MGAM: variants seen among roughly 807,000 people sequenced by gnomAD.
MGAM encodes the protein maltase-glucoamylase, also known as alpha-1,4-glucosidase.
In MGAM, 253 loss-of-function variants were observed where a neutral mutation model predicts 358.8. That is an observed-to-expected ratio of 0.71 (90% CI 0.64 to 0.78). The LOEUF is 0.78. Among genes scored for constraint, MGAM ranks in the 30% least tolerant of loss-of-function variants. The pLI is 0.00. For missense variants in MGAM, 3,080 were observed against 3,432.6 expected (o/e 0.90, Z 2.57); for synonymous variants, 1,105 against 1,227.1 (o/e 0.90, Z 2.08).
rs560245267 is a variant in MGAM, at chr7:142,069,524, C to T, written c.5061+821C>T. On this transcript the variant is annotated intron_variant, in intron 43 of 70. Transcript: ENST00000475668. ...GGGCTGGAAATACAACAAAGGGGTA[C>T]AAGCAGGGATACAGGAAGCAGAGCA... Among the ~76,000 whole-genome samples the T allele has an allele frequency of 9.6e-5, 14 of 145,730 alleles. 1 individual carries two copies. Among genetic ancestry groups the T allele is most frequent in the African/African-American group, 2.9e-4 (12 of 41,126 alleles).
In MGAM at chr7:142,104,964, A is replaced by G. The variant is rs533544026; in HGVS notation, c.8185-850A>G. ...TTTCTTTCAGTTTTGCATTCTTTAC[A>G]GTTATTTCCTCATACTTGTGGTTTT... On this transcript the variant is annotated intron_variant, in intron 70 of 70. Transcript: ENST00000475668. Among the ~76,000 whole-genome samples the G allele has an allele frequency of 5.3e-5, 8 of 152,226 alleles. No individual in the cohort carries two copies. In the South Asian group the frequency reaches 1.7e-3, roughly 32 times the overall value.
intron 22 of MGAM, among the ~76,000 whole-genome samples, chr7:142,048,415 T>C (rs1810608513): frequency 6.6e-6 from 1 of 151,610 alleles, no homozygotes; most frequent in African/African-American, 2.4e-5. Flanking sequence ...CCCAAAGTGC[T>C]GGGATTACAG....
intron 1 of MGAM, among the ~76,000 whole-genome samples, chr7:142,002,102 G>A (rs1324617350): frequency 6.6e-6 from 1 of 152,028 alleles, no homozygotes; most frequent in Non-Finnish European, 1.5e-5. Flanking sequence ...GAAGAACTTG[G>A]GGATAGAATA....
chr7:142,052,011 G>A (rs780991927), intron 24 of MGAM, among the ~76,000 whole-genome samples: 13 of 152,058 alleles, frequency 8.5e-5, no homozygotes, highest in African/African-American at 1.2e-4. Context: ...AGAGGAGTCA[G>A]GGTAGAAAAG....
intron 36 of MGAM, among the ~76,000 whole-genome samples, chr7:142,064,123 T>A (rs1471115517): frequency 6.6e-6 from 1 of 152,202 alleles, no homozygotes; most frequent in Non-Finnish European, 1.5e-5. Flanking sequence ...AAAGCCTAAA[T>A]CAGAGCCCGT....
intron 28 of MGAM, 117 bp from the exon 29 acceptor site, chr7:142,055,883 A>G (rs536914306): frequency 6.9e-7 from 1 of 1,449,296 alleles, no homozygotes; most frequent in South Asian, 1.2e-5. Context: ...TGTTTAGTTT[A>G]TGTGTCTAGT....
chr7:142,050,844 A>T lies in MGAM; in HGVS notation c.2785A>T (p.Thr929Ser). 6.2e-7 allele frequency: 1 copy of T among 1,613,706 alleles called. No homozygotes were observed. The highest frequency in any genetic ancestry group is 8.5e-7 in the Non-Finnish European group (1 of 1,179,666). Reference sequence around the variant, plus strand: ...CCCAAGTCAGACTTCTCCTACAGTCACTTATGATTCTAACCTGAAGGTAAA... The same window carrying T: ...CCCAAGTCAGACTTCTCCTACAGTCTCTTATGATTCTAACCTGAAGGTAAA... ...GVPSQTSPTV[T>S]YDSNLKVAII... Residue 929 changes from threonine (T) to serine (S), a missense_variant, in exon 24 of 71, where the codon ACT (threonine) becomes TCT (serine). Thr to Ser is a moderately conservative substitution (Grantham distance 58). Transcript: ENST00000475668.
chr7:142,085,984 G>A (rs200152196), intron 55 of MGAM, 23 bp downstream of exon 55: 13 of 1,556,670 alleles, frequency 8.4e-6, no homozygotes, highest in Admixed American at 1.7e-5. Context: ...GTGAATGTGT[G>A]CGGTCTGTTT....
intron 4 of MGAM, 89 bp downstream of exon 4, chr7:142,019,408 C>A: frequency 7.1e-7 from 1 of 1,401,104 alleles, no homozygotes; most frequent in Non-Finnish European, 9.7e-7. Flanking sequence ...GAGTTCTGCT[C>A]TGTGGGGCCA....
In MGAM at chr7:142,048,508, G is replaced by A. The variant is rs550512862; in HGVS notation, c.2587+635G>A. Among the ~76,000 whole-genome samples, 15 of 152,216 alleles carry A rather than the reference G, an allele frequency of 9.9e-5. 2 individuals carry two copies. The highest frequency in any genetic ancestry group is 3.4e-3 in the Middle Eastern group (1 of 294). ...AAGAGATGGTTTCAAGACTGTTCCC[G>A]TAACCCAATGTTAATGTCTTCCTCC... On this transcript the variant is annotated intron_variant, in intron 22 of 70. Coordinates refer to ENST00000475668, the MANE Select transcript of MGAM (RefSeq NM_001365693.1).
chr7:142,099,227 G>T (rs966689850), intron 66 of MGAM, among the ~76,000 whole-genome samples: 2 of 152,182 alleles, frequency 1.3e-5, no homozygotes, highest in African/African-American at 4.8e-5. Context: ...GCACAGGATA[G>T]CCCCATCGCC....
At position 142,063,527 on chromosome 7, in the gene MGAM, A is replaced by G. The variant is rs769438206; in HGVS notation, c.4286A>G (p.Asn1429Ser). 2 of 1,613,836 alleles carry G rather than the reference A, an allele frequency of 1.2e-6. No individual in the cohort carries two copies. Among genetic ancestry groups the G allele is most frequent in the African/African-American group, 1.3e-5 (1 of 75,060 alleles). Residue 1429 changes from asparagine to serine, a missense_variant, in exon 36 of 71, where the codon AAT becomes AGT. This residue lies in a region of MGAM where 1,816 missense variants were observed against 1,840.5 expected (regional missense o/e 0.99). Transcript: ENST00000475668. ...ATGAATGAACCATCAAGCTTCGTGA[A>G]TGGGGCAGTTTCTCCAGGCTGCAGG... ...IDMNEPSSFV[N>S]GAVSPGCRDA... is the part of the protein sequence containing the mutation.
At chr7:141,987,950 C>T (rs561544471) in intron 2 of MGAM, among the ~76,000 whole-genome samples, 10 of 152,196 alleles carry the variant, frequency 6.6e-5, no homozygotes, top group African/African-American at 2.4e-4. Flanking sequence ...AAAATACCTG[C>T]CTTATCTTAA....
intron 20 of MGAM, 86 bp from the exon 21 acceptor site, chr7:142,040,636 G>C (rs1808428643): frequency 1.3e-6 from 2 of 1,503,238 alleles, no homozygotes; most frequent in Non-Finnish European, 1.8e-6. Flanking sequence ...AAAAGGGAGA[G>C]AGCTGTGTAT....
At chr7:142,098,540 G>A (rs1443390070) in intron 66 of MGAM, among the ~76,000 whole-genome samples, 2 of 152,110 alleles carry the variant, frequency 1.3e-5, no homozygotes, top group African/African-American at 4.8e-5. Context: ...AACTGGAGAA[G>A]GATGTGCATT....
chr7:141,992,796 T>A (rs1307645276), upstream of MGAM, among the ~76,000 whole-genome samples: 2 of 152,144 alleles, frequency 1.3e-5, no homozygotes, highest in Non-Finnish European at 2.9e-5. Context: ...TTGCCCAGGC[T>A]GGCCTTGAAC....
At chr7:142,023,945 C>T (rs1806708670) in intron 7 of MGAM, among the ~76,000 whole-genome samples, 1 of 152,070 alleles carries the variant, frequency 6.6e-6, no homozygotes, top group Admixed American at 6.6e-5. Flanking sequence ...TTAAAATCTG[C>T]ATTTAGGGCT....
rs1273026925 is a variant in MGAM at position 142,038,629 on chromosome 7, C to T, written c.2316+14C>T. ...GTTCTGGATGAAGTAAGTGTTCCCA[C>T]AGAGATACACTAGAGATCTCTGCAT... On this transcript the variant is annotated intron_variant, in intron 19 of 70. Transcript: ENST00000475668. 1 of 1,584,296 alleles carries T rather than the reference C, an allele frequency of 6.3e-7. No homozygotes were observed. Among genetic ancestry groups the T allele is most frequent in the African/African-American group, 1.3e-5 (1 of 74,206 alleles).
At position 142,052,413 on chromosome 7, in the gene MGAM, C is replaced by T. The variant is rs2961085; in HGVS notation, c.2925C>T (p.Ala975=). The change falls in exon 25 of 71, where the codon GCC becomes GCT. Residue 975 remains alanine, a synonymous_variant. Transcript: ENST00000475668. ...ACCCTGATGAGAATGGTGCTTCTGC[C>T]GAAAACTGCACTGCCCGTGGCTGTA... The part of the protein sequence containing the change: ...DCYPDENGAS[A]ENCTARGCIW... 108 of 1,612,316 alleles carry T rather than the reference C, an allele frequency of 6.7e-5. No homozygotes were observed. The highest frequency in any genetic ancestry group is 8.3e-5 in the Non-Finnish European group (98 of 1,179,230).
Sources: gnomAD v4.1 joint callset for allele counts (sites outside exome capture counted in the v4.1 genomes callset) on GRCh38, gnomAD v4.1.1 for gene constraint, gnomAD v4.1.1 regional missense constraint, MANE v1.5 for transcripts, NCBI Gene and HGNC (gene_info 2026-07-23, HGNC 2026-07-21) for gene names.